The following AEBP2 variants were observed in gnomAD, a reference collection of about 807,000 sequenced individuals.
The protein encoded by AEBP2 is zinc finger protein AEBP2.
Under a neutral mutation model 50.8 loss-of-function variants are expected in AEBP2, and 10 were observed. The ratio of observed to expected loss-of-function variants is 0.20; its 90% CI spans 0.12 to 0.33. The LOEUF (loss-of-function observed/expected upper bound fraction) is 0.33, where lower values mean the gene tolerates loss of function less well. Ranked by LOEUF, AEBP2 falls within the 10% of genes least tolerant of loss-of-function variation. The probability of loss-of-function intolerance (pLI) is 1.00; values close to 1 mark genes in which losing one functional copy is unlikely to be tolerated. For missense variants in AEBP2, 570 were observed against 688.0 expected, an observed-to-expected ratio of 0.83 and a Z score of 1.92; for synonymous variants, 296 against 261.3, an observed-to-expected ratio of 1.13 and a Z score of -1.28.
chr12:19,430,153 A>T (rs995490411), intron 1 of AEBP2, among the ~76,000 whole-genome samples: 2 of 152,132 alleles, frequency 1.3e-5, no homozygotes, highest in African/African-American at 4.8e-5. Flanking sequence ...TGATTTTTGT[A>T]TAAGGTGTAA....
At chr12:19,462,788 G>A in intron 2 of AEBP2, 71 bp downstream of exon 2, 3 of 1,358,430 alleles carry the variant, frequency 2.2e-6, no homozygotes, top group Non-Finnish European at 2.0e-6. Flanking sequence ...TGCTAGTTAG[G>A]CTTTTTTGCT....
At chr12:19,419,458 A>G (rs572226813) in intron 1 of AEBP2, among the ~76,000 whole-genome samples, 1 of 152,178 alleles carries the variant, frequency 6.6e-6, no homozygotes, top group East Asian at 1.9e-4. Flanking sequence ...GCGTAGTGGC[A>G]CGTGCCTATA....
At chr12:19,509,476 G>A (rs1429595094) in intron 5 of AEBP2, among the ~76,000 whole-genome samples, 2 of 152,152 alleles carry the variant, frequency 1.3e-5, no homozygotes, top group South Asian at 2.1e-4. Context: ...GCTGGGTGCT[G>A]TGGCTCACAC....
intron 3 of AEBP2, among the ~76,000 whole-genome samples, chr12:19,490,400 G>A (rs760270406): frequency 3.6e-4 from 54 of 152,046 alleles, no homozygotes; most frequent in African/African-American, 1.3e-3. Context: ...GTTTTTTATC[G>A]TGACTGAGTG....
At chr12:19,500,980 T>C (rs532758475) in intron 5 of AEBP2, among the ~76,000 whole-genome samples, 1 of 152,284 alleles carries the variant, frequency 6.6e-6, no homozygotes, top group Admixed American at 6.5e-5. Context: ...AAATGTACAT[T>C]GTAGATCATA....
chr12:19,440,840 G>C (rs908697363), intron 1 of AEBP2: 33 of 1,332,072 alleles, frequency 2.5e-5, no homozygotes, highest in Non-Finnish European at 3.3e-5. Flanking sequence ...CCATGGGAGA[G>C]ACCCCAGCTA....
rs1720520518 is a variant in AEBP2 at position 19,509,174 on chromosome 12, A to C, written c.1300-3224A>C. On this transcript the variant is annotated intron_variant, in intron 5 of 7. Transcript: ENST00000266508. ...GTGTGCTAAATGTGTTTGTGACAGG[A>C]TCAAACATGCTTTCCTTATTAAGGA... The C allele has an allele frequency of 9.6e-6, 4 of 416,234 alleles. No individual in the cohort carries two copies. The South Asian group carries it at 1.7e-4, about 18-fold the overall frequency. The allele number at this position is 416,234 out of a possible 1,614,324, so 25.8% of individuals were successfully genotyped here.
At position 19,519,787 on chromosome 12, in the gene AEBP2, CT is replaced by C. The variant is rs1949372502; in HGVS notation, c.*1673del. The C allele has an allele frequency of 6.6e-6, 1 of 152,422 alleles. No homozygotes were observed. Among genetic ancestry groups the C allele is most frequent in the Non-Finnish European group, 1.5e-5 (1 of 67,950 alleles). 9.4% of individuals were successfully genotyped at this position (152,422 alleles called of 1,614,324 possible). On this transcript the variant is annotated 3_prime_UTR_variant, in exon 8 of 8. Transcript: ENST00000266508. ...TTAAAAGTGTAAAAATTATGAGAGA[CT>C]TTATTCGTTAACAATGGGGGTAAAG...
At chr12:19,468,950 G>T (rs888093699) in intron 2 of AEBP2, among the ~76,000 whole-genome samples, 1 of 151,996 alleles carries the variant, frequency 6.6e-6, no homozygotes, top group Admixed American at 6.6e-5. Context: ...TTTGAGATGG[G>T]GTCTCACTCT....
At chr12:19,496,664 C>CTT (rs771598222) in intron 4 of AEBP2, among the ~76,000 whole-genome samples, 12 of 142,956 alleles carry the variant, frequency 8.4e-5, no homozygotes, top group African/African-American at 2.5e-4. Flanking sequence ...TTTTTTTAAC[C>CTT]TTTTTTTTTT....
chr12:19,467,030 G>A (rs1220987768), intron 2 of AEBP2, among the ~76,000 whole-genome samples: 1 of 152,088 alleles, frequency 6.6e-6, no homozygotes, highest in Non-Finnish European at 1.5e-5. Flanking sequence ...AAGTCAAGTG[G>A]AGTTTAGATT....
chr12:19,444,011 T>G (rs1233483078), intron 1 of AEBP2, among the ~76,000 whole-genome samples: 1 of 152,144 alleles, frequency 6.6e-6, no homozygotes, highest in Non-Finnish European at 1.5e-5. Context: ...GTTATAAAGA[T>G]AGTAGGGAGA....
chr12:19,470,884 AGTT>A, intron 2 of AEBP2, among the ~76,000 whole-genome samples: 1 of 152,324 alleles, frequency 6.6e-6, no homozygotes, highest in African/African-American at 2.4e-5. Flanking sequence ...CTGTCAAAAA[AGTT>A]GTTACAGGAA....
chr12:19,476,328 C>T (rs1371417895), intron 3 of AEBP2, among the ~76,000 whole-genome samples: 1 of 151,922 alleles, frequency 6.6e-6, no homozygotes, highest in African/African-American at 2.4e-5. Flanking sequence ...GTGTCCTTTC[C>T]CCACTTTATG....
chr12:19,467,149 T>G (rs1948491144), intron 2 of AEBP2, among the ~76,000 whole-genome samples: 1 of 152,154 alleles, frequency 6.6e-6, no homozygotes. Flanking sequence ...CCCATGCTGG[T>G]CTTGCCTTGG....
At chr12:19,452,953 C>G (rs927372227) in intron 1 of AEBP2, among the ~76,000 whole-genome samples, 3 of 140,820 alleles carry the variant, frequency 2.1e-5, no homozygotes, top group African/African-American at 7.7e-5. Flanking sequence ...CTATTATAGA[C>G]TTACGTTCTT....
In AEBP2 at chr12:19,514,009, T is replaced by G. The variant is rs560009477; in HGVS notation, c.1368-662T>G. Among the ~76,000 whole-genome samples, 9 of 151,296 alleles carry G rather than the reference T, an allele frequency of 5.9e-5. 1 individual carries two copies. The highest frequency in any genetic ancestry group is 1.2e-4 in the African/African-American group (5 of 41,228). On this transcript the variant is annotated intron_variant, in intron 6 of 7. Transcript: ENST00000266508. ...TTGTTTCTGTTTTTTGTTTTTTTGG[T>G]TTTTTTTGGAGAGAGAGTCTCACTT...
chr12:19,504,106 A>G (rs1193799629), intron 5 of AEBP2, among the ~76,000 whole-genome samples: 3 of 152,114 alleles, frequency 2.0e-5, no homozygotes, highest in Non-Finnish European at 4.4e-5. Flanking sequence ...AGGTTATTAA[A>G]TGTATCATTT....
intron 4 of AEBP2, among the ~76,000 whole-genome samples, chr12:19,494,537 T>C (rs192712442): frequency 1.3e-4 from 19 of 144,326 alleles, no homozygotes; most frequent in African/African-American, 4.4e-4. Flanking sequence ...AGTCTCGCTC[T>C]GTCAGCCAGG....
Sources: gnomAD v4.1 joint callset for allele counts (sites outside exome capture counted in the v4.1 genomes callset) on GRCh38, gnomAD v4.1.1 for gene constraint, MANE v1.5 for transcripts, NCBI Gene and HGNC (gene_info 2026-07-23, HGNC 2026-07-21) for gene names.